Variants in SEPSECS observed in about 807,000 individuals in gnomAD.
SEPSECS encodes the protein O-phosphoseryl-tRNA(Sec) selenium transferase.
Under a neutral mutation model 52.1 loss-of-function variants are expected in SEPSECS, and 42 were observed. That is an observed-to-expected ratio of 0.81 (90% CI 0.63 to 1.04). The LOEUF is 1.04. SEPSECS is among the 50% of genes least tolerant of loss of function. SEPSECS has a pLI of 0.00. For missense variants in SEPSECS, 590 were observed against 610.6 expected (o/e 0.97, Z 0.36); for synonymous variants, 216 against 211.4 (o/e 1.02, Z -0.19).
intron 8 of SEPSECS, among the ~76,000 whole-genome samples, chr4:25,135,721 T>C (rs189282819): frequency 1.3e-5 from 2 of 152,218 alleles, no homozygotes; most frequent in South Asian, 2.1e-4. Flanking sequence ...ATCATCCTGA[T>C]ATCAAAACCT....
intron 3 of SEPSECS, 88 bp from the exon 4 acceptor site, chr4:25,156,283 T>C (rs1366003672): frequency 8.9e-6 from 11 of 1,235,872 alleles, no homozygotes; most frequent in African/African-American, 6.0e-5. Flanking sequence ...ATATATAAAA[T>C]AGTAAGAGTC....
At chr4:25,133,706 T>C (rs1458014614) in intron 8 of SEPSECS, among the ~76,000 whole-genome samples, 1 of 152,214 alleles carries the variant, frequency 6.6e-6, no homozygotes, top group Non-Finnish European at 1.5e-5. Flanking sequence ...CAATGCCTGT[T>C]ATATACAACA....
At chr4:25,149,318 A>G (rs1283324283) in intron 6 of SEPSECS, among the ~76,000 whole-genome samples, 2 of 152,130 alleles carry the variant, frequency 1.3e-5, no homozygotes, top group African/African-American at 4.8e-5. Context: ...CACAAGCTTC[A>G]GCCTTCCAAA....
intron 9 of SEPSECS, among the ~76,000 whole-genome samples, chr4:25,127,035 T>C (rs1728401986): frequency 6.6e-6 from 1 of 152,248 alleles, no homozygotes; most frequent in Non-Finnish European, 1.5e-5. Context: ...ATTTTTGTTA[T>C]AATACTTAAT....
intron 6 of SEPSECS, among the ~76,000 whole-genome samples, chr4:25,146,252 CAGA>C (rs1241660541): frequency 6.6e-6 from 1 of 152,144 alleles, no homozygotes; most frequent in South Asian, 2.1e-4. Flanking sequence ...TGAGGGAGAA[CAGA>C]AGGAGCAGAT....
At chr4:25,154,337 AC>A (rs1712485904) in intron 5 of SEPSECS, among the ~76,000 whole-genome samples, 1 of 152,180 alleles carries the variant, frequency 6.6e-6, no homozygotes, top group Non-Finnish European at 1.5e-5. Context: ...ACAAATTATT[AC>A]CACTTCCATT....
intron 1 of SEPSECS, 62 bp downstream of exon 1, chr4:25,160,194 C>G: frequency 6.5e-7 from 1 of 1,543,330 alleles, no homozygotes; most frequent in Non-Finnish European, 8.8e-7. Flanking sequence ...CCAGCGGGGA[C>G]GCCCGGCGGA....
At chr4:25,125,951 A>T (rs1728347584) in intron 9 of SEPSECS, among the ~76,000 whole-genome samples, 167 bp from the exon 10 acceptor site, 1 of 152,210 alleles carries the variant, frequency 6.6e-6, no homozygotes, top group Admixed American at 6.5e-5. Context: ...TATATCAGAC[A>T]AAAATATTTT....
At chr4:25,124,663 C>A (rs1728288889) in intron 10 of SEPSECS, among the ~76,000 whole-genome samples, 1 of 152,050 alleles carries the variant, frequency 6.6e-6, no homozygotes, top group African/African-American at 2.4e-5. Context: ...GCAAGTCAAA[C>A]CACTGTAATT....
intron 8 of SEPSECS, among the ~76,000 whole-genome samples, chr4:25,132,031 A>G (rs1728629857): frequency 1.3e-5 from 2 of 152,124 alleles, no homozygotes; most frequent in South Asian, 4.1e-4. Flanking sequence ...TCTCCCCTCA[A>G]TGAAGCAAAT....
intron 5 of SEPSECS, 90 bp downstream of exon 5, chr4:25,154,908 T>A: frequency 7.7e-7 from 1 of 1,305,454 alleles, no homozygotes; most frequent in South Asian, 1.2e-5. Context: ...CTATTTATTG[T>A]GAAGTGTTAT....
At chr4:25,141,920 CT>C (rs1711574585) in intron 8 of SEPSECS, among the ~76,000 whole-genome samples, 1 of 152,188 alleles carries the variant, frequency 6.6e-6, no homozygotes, top group Admixed American at 6.5e-5. Flanking sequence ...TACTGGCTTT[CT>C]GCCTGAAACG....
chr4:25,130,827 C>T (rs1453080795), intron 8 of SEPSECS, among the ~76,000 whole-genome samples: 1 of 152,116 alleles, frequency 6.6e-6, no homozygotes, highest in Non-Finnish European at 1.5e-5. Flanking sequence ...ATTAAAGCTA[C>T]TACCGAACCT....
At chr4:25,149,743 C>A (rs1450472828) in intron 6 of SEPSECS, among the ~76,000 whole-genome samples, 1 of 152,146 alleles carries the variant, frequency 6.6e-6, no homozygotes, top group Non-Finnish European at 1.5e-5. Context: ...AAATCAATCA[C>A]TGAAATAAAA....
At position 25,156,093 on chromosome 4, in the gene SEPSECS, T is replaced by A. The variant is rs768840152; in HGVS notation, c.491A>T (p.Tyr164Phe). 1.2e-6 allele frequency: 2 copies of A among 1,613,910 alleles called. No homozygotes were observed. The highest frequency in any genetic ancestry group is 2.7e-5 in the African/African-American group (2 of 74,914). ...TLRHKRPKAKYIIWPRIDQKS... is the reference protein window; with the variant it reads ...TLRHKRPKAKFIIWPRIDQKS... ...CTGGTCTATTCGTGGCCATATAATATACTTTGCCTTTGGTCTTTTGTGTCG... is the reference window on the plus strand; with the variant it reads ...CTGGTCTATTCGTGGCCATATAATAAACTTTGCCTTTGGTCTTTTGTGTCG... The change falls in exon 4 of 11, where the codon TAT becomes TTT. Residue 164 changes from tyrosine to phenylalanine, a missense_variant. Physicochemically the swap from Tyr to Phe is conservative, Grantham distance 22. Coordinates refer to ENST00000382103, the MANE Select transcript of SEPSECS (RefSeq NM_016955.4).
At chr4:25,150,624 T>C (rs890652584) in intron 6 of SEPSECS, among the ~76,000 whole-genome samples, 1 of 152,096 alleles carries the variant, frequency 6.6e-6, no homozygotes. Flanking sequence ...CACTGATTAT[T>C]AAGACATCAG....
At chr4:25,159,548 G>T in intron 1 of SEPSECS, 1 of 422,714 alleles carries the variant, frequency 2.4e-6, no homozygotes, top group Non-Finnish European at 4.8e-6. Flanking sequence ...AAGAATGGCC[G>T]ATCACTTGAA....
chr4:25,142,357 C>T (rs908340204), intron 8 of SEPSECS, among the ~76,000 whole-genome samples: 3 of 152,134 alleles, frequency 2.0e-5, no homozygotes, highest in African/African-American at 7.2e-5. Flanking sequence ...ACCTCATCAT[C>T]CCAAATTCTC....
In SEPSECS at chr4:25,144,756, C is replaced by T. The variant is rs1332619466; in HGVS notation, c.1026+18G>A. 2 of 1,548,788 alleles carry T rather than the reference C, an allele frequency of 1.3e-6. No homozygotes were observed. Among genetic ancestry groups the T allele is most frequent in the Non-Finnish European group, 8.9e-7 (1 of 1,121,558 alleles). ...TTCTAGTCAAGAATGTTATTCGACA[C>T]CTAAAGGGAAAGCTTACCTTTCTTT... On this transcript the variant is annotated intron_variant, in intron 8 of 10. Coordinates refer to ENST00000382103, the MANE Select transcript of SEPSECS (RefSeq NM_016955.4).
Sources: gnomAD v4.1 joint callset for allele counts (sites outside exome capture counted in the v4.1 genomes callset) on GRCh38, gnomAD v4.1.1 for gene constraint, MANE v1.5 for transcripts, NCBI Gene and HGNC (gene_info 2026-07-23, HGNC 2026-07-21) for gene names.